The following TXNDC16 variants were observed in gnomAD, a reference collection of about 807,000 sequenced individuals.
TXNDC16 encodes the protein thioredoxin domain containing 16.
A neutral mutation model predicts 85.6 loss-of-function variants in TXNDC16; 74 were observed. That is an observed-to-expected ratio of 0.86 (90% CI 0.72 to 1.05). The LOEUF (loss-of-function observed/expected upper bound fraction) is 1.05, where lower values mean the gene tolerates loss of function less well. Ranked by LOEUF, TXNDC16 falls within the 50% of genes least tolerant of loss-of-function variation. TXNDC16 has a pLI of 0.00. For missense variants in TXNDC16, 959 were observed against 947.0 expected, an observed-to-expected ratio of 1.01 and a Z score of -0.17; for synonymous variants, 335 against 326.5, an observed-to-expected ratio of 1.03 and a Z score of -0.28.
chr14:52,454,843 CA>C (rs1452581311), intron 18 of TXNDC16, among the ~76,000 whole-genome samples: 1 of 152,018 alleles, frequency 6.6e-6, no homozygotes, highest in African/African-American at 2.4e-5. Context: ...TAGTAACTAA[CA>C]TTTGTTGGAT....
At chr14:52,463,194 TAAA>T (rs34848366) in intron 16 of TXNDC16, among the ~76,000 whole-genome samples, 1 of 141,916 alleles carries the variant, frequency 7.0e-6, no homozygotes, top group Non-Finnish European at 1.6e-5. Flanking sequence ...CCAGTTCAGA[TAAA>T]AAAAAAAAAA....
rs546830567 is a variant in TXNDC16 at position 52,499,064 on chromosome 14, A to C, written c.757-8059T>G. 2.0e-5 allele frequency among the ~76,000 whole-genome samples: 3 copies of C among 152,338 alleles called. No homozygotes were observed. The East Asian group carries it at 5.8e-4, about 29-fold the overall frequency. On this transcript the variant is annotated intron_variant, in intron 9 of 20. Transcript: ENST00000281741. The stretch of plus-strand genomic sequence containing the variant: ...TTTGACAAGGATGTCAAAACCACTC[A>C]GTAAAGAAAGGACAGTCTCTTCAAT...
Position 52,537,688 on chromosome 14 carries a change from C to A in TXNDC16, c.244-16G>T. ...CACAATTAACCTTTAAAAGAGTATA[C>A]TTAAGTTTTAGCATATATATCAAAA... On this transcript the variant is annotated splice_polypyrimidine_tract_variant and intron_variant, in intron 4 of 20. Coordinates refer to ENST00000281741, the MANE Select transcript of TXNDC16 (RefSeq NM_020784.3). 6.7e-7 allele frequency: 1 copy of A among 1,493,902 alleles called. No homozygotes were observed. The highest frequency in any genetic ancestry group is 1.7e-5 in the Admixed American group (1 of 58,770). The allele number at this position is 1,493,902 out of a possible 1,614,324, so 92.5% of individuals were successfully genotyped here.
At chr14:52,509,278 C>T (rs936823934) in intron 9 of TXNDC16, among the ~76,000 whole-genome samples, 1 of 152,068 alleles carries the variant, frequency 6.6e-6, no homozygotes, top group Non-Finnish European at 1.5e-5. Flanking sequence ...GAGTCCTAAT[C>T]TTACCCCCGA....
chr14:52,513,147 C>G (rs1465916761), intron 8 of TXNDC16, among the ~76,000 whole-genome samples: 1 of 152,074 alleles, frequency 6.6e-6, no homozygotes, highest in African/African-American at 2.4e-5. Context: ...CTTTTACTAC[C>G]TATCATAAAT....
At chr14:52,491,069 C>T in intron 9 of TXNDC16, 64 bp from the exon 10 acceptor site, 3 of 1,487,440 alleles carry the variant, frequency 2.0e-6, no homozygotes, top group Non-Finnish European at 8.9e-7. Flanking sequence ...GATTTAAATT[C>T]TCCTAATTCT....
chr14:52,447,797 A>G (rs1477084008), intron 18 of TXNDC16, among the ~76,000 whole-genome samples: 1 of 152,118 alleles, frequency 6.6e-6, no homozygotes, highest in East Asian at 1.9e-4. Flanking sequence ...TCAAGATAAC[A>G]CAGGGAAGGA....
At chr14:52,468,356 G>A (rs1005737543) in intron 16 of TXNDC16, among the ~76,000 whole-genome samples, 1 of 151,928 alleles carries the variant, frequency 6.6e-6, no homozygotes, top group Non-Finnish European at 1.5e-5. Context: ...GTGAATATTA[G>A]GTGACAAAAA....
chr14:52,530,207 T>C (rs1351924273), intron 6 of TXNDC16, among the ~76,000 whole-genome samples: 1 of 73,262 alleles, frequency 1.4e-5, no homozygotes, highest in African/African-American at 6.5e-5. Flanking sequence ...ATATATTATA[T>C]TATACAGAAT....
intron 9 of TXNDC16, among the ~76,000 whole-genome samples, chr14:52,495,835 C>G (rs2036518480): frequency 6.6e-6 from 1 of 152,120 alleles, no homozygotes; most frequent in Non-Finnish European, 1.5e-5. Context: ...TCCTTGAAAA[C>G]TATTCCTCTC....
Position 52,488,400 on chromosome 14 carries a change from T to A in TXNDC16, c.1071A>T (p.Gln357His). Residue 357 changes from glutamine to histidine, a missense_variant, in exon 12 of 21, where the codon CAA (glutamine) becomes CAT (histidine). Gln to His is a conservative substitution (Grantham distance 24, BLOSUM62 0). Coordinates refer to ENST00000281741, the MANE Select transcript of TXNDC16 (RefSeq NM_020784.3). Reference protein sequence around the residue: ...VENNMHIEEIQEDEDNDMEGP... With the variant: ...VENNMHIEEIHEDEDNDMEGP... Reference sequence around the variant, plus strand: ...CTTCCATGTCATTGTCTTCATCTTCTTGTATTTCCTCAATGTGCATATTAT... The same window carrying A: ...CTTCCATGTCATTGTCTTCATCTTCATGTATTTCCTCAATGTGCATATTAT... 3 of 1,613,798 alleles carry A rather than the reference T, an allele frequency of 1.9e-6. No individual in the cohort carries two copies. Among genetic ancestry groups the A allele is most frequent in the Non-Finnish European group, 2.5e-6 (3 of 1,179,766 alleles).
chr14:52,438,068 TATG>T (rs2140099800), intron 20 of TXNDC16, among the ~76,000 whole-genome samples: 1 of 152,308 alleles, frequency 6.6e-6, no homozygotes, highest in East Asian at 1.9e-4. Context: ...GCTGCAATCT[TATG>T]ATGAATCTTG....
intron 6 of TXNDC16, among the ~76,000 whole-genome samples, chr14:52,521,119 A>AC: frequency 6.6e-6 from 1 of 151,734 alleles, no homozygotes. Context: ...ATGGTGTTTT[A>AC]CTTTTTTTTT....
Position 52,519,212 on chromosome 14 carries a change from T to C in TXNDC16, c.474A>G (p.Ala158=). 1.2e-6 allele frequency: 2 copies of C among 1,611,786 alleles called. No individual in the cohort carries two copies. Among genetic ancestry groups the C allele is most frequent in the South Asian group, 1.1e-5 (1 of 90,864 alleles). Reference sequence around the variant, plus strand: ...CTCTTACATATGAGAATATAATATTTGCTTTTCCTTTCAGAGCATTTTCTA... The same window carrying C: ...CTCTTACATATGAGAATATAATATTCGCTTTTCCTTTCAGAGCATTTTCTA... The part of the protein sequence containing the change: ...QNIENALKGK[A]NIIFSYVRAI... The change falls in exon 7 of 21, where the codon GCA becomes GCG. Residue 158 remains alanine (A), a synonymous_variant. Transcript: ENST00000281741.
At chr14:52,505,972 GAAGA>G (rs1213941748) in intron 9 of TXNDC16, among the ~76,000 whole-genome samples, 1 of 152,190 alleles carries the variant, frequency 6.6e-6, no homozygotes, top group Non-Finnish European at 1.5e-5. Flanking sequence ...AGAAAATCTA[GAAGA>G]AATAGATAAA....
At chr14:52,542,329 A>T (rs2037848403) in intron 4 of TXNDC16, 42 bp downstream of exon 4, 1 of 1,305,642 alleles carries the variant, frequency 7.7e-7, no homozygotes, top group Non-Finnish European at 1.1e-6. Context: ...AAGTTGTAAG[A>T]TGTTCGTCAC....
intron 9 of TXNDC16, among the ~76,000 whole-genome samples, chr14:52,507,960 C>A (rs1169592960): frequency 1.3e-5 from 2 of 152,180 alleles, no homozygotes; most frequent in East Asian, 3.8e-4. Flanking sequence ...ACCATAAAAA[C>A]CCTAGAAGAA....
chr14:52,450,856 TATATATATATA>T (rs1566533860), intron 18 of TXNDC16, among the ~76,000 whole-genome samples: 42 of 1,028 alleles, frequency 0.041, no homozygotes, highest in African/African-American at 0.16. Flanking sequence ...ATGTGTTTTA[TATATATATATA>T]TATATATATA....
At chr14:52,485,467 G>T (rs369984037) in intron 12 of TXNDC16, among the ~76,000 whole-genome samples, 1 of 152,126 alleles carries the variant, frequency 6.6e-6, no homozygotes, top group Non-Finnish European at 1.5e-5. Context: ...CAGCCTAAGT[G>T]TACAGTATTT....
Sources: gnomAD v4.1 joint callset for allele counts (sites outside exome capture counted in the v4.1 genomes callset) on GRCh38, gnomAD v4.1.1 for gene constraint, MANE v1.5 for transcripts, NCBI Gene and HGNC (gene_info 2026-07-23, HGNC 2026-07-21) for gene names.